BPTF: variants seen among roughly 807,000 people sequenced by gnomAD.
BPTF encodes nucleosome-remodeling factor subunit BPTF.
BPTF carries 18 observed loss-of-function variants against 292.5 expected under a neutral mutation model. The observed-to-expected ratio is 0.06, with a 90% CI of 0.04 to 0.09. BPTF has a LOEUF of 0.09. Ranked by LOEUF, BPTF falls within the 10% of genes least tolerant of loss-of-function variation. BPTF has a pLI of 1.00. For synonymous variants in BPTF, 1,225 were observed against 1,251.9 expected (o/e 0.98, Z 0.45); for missense variants, 2,726 against 3,498.7 (o/e 0.78, Z 5.57).
Position 67,878,145 on chromosome 17 carries a change from G to GTA in BPTF, c.1864+3130_1864+3131dup, listed in dbSNP as rs148722280. ...TTAAAAAAATTACTGGAACCATACA[G>GTA]TATATACTCTTTGATGCCTGATAGC... On this transcript the variant is annotated intron_variant, in intron 4 of 27. Transcript: ENST00000306378. Among the ~76,000 whole-genome samples the GTA allele has an allele frequency of 2.0e-3, 302 of 152,248 alleles. 1 individual carries two copies. The highest frequency in any genetic ancestry group is 7.1e-3 in the African/African-American group (295 of 41,546).
rs1298574131 is a variant in BPTF, at chr17:67,983,180, AATGATT to A, written c.*895_*900del. On this transcript the variant is annotated 3_prime_UTR_variant, in exon 28 of 28. Transcript: ENST00000306378. The stretch of plus-strand genomic sequence containing the variant: ...ACAGAGGTGTCTTTGAATGTGCGCT[AATGATT>A]ATCTGTAAGCCTTTGTGGGGAGGGA... 5 of 152,590 alleles carry A rather than the reference AATGATT, an allele frequency of 3.3e-5. No individual in the cohort carries two copies. Among genetic ancestry groups the A allele is most frequent in the African/African-American group, 1.2e-4 (5 of 41,438 alleles). 9.5% of individuals were successfully genotyped at this position (152,590 alleles called of 1,614,324 possible).
At chr17:67,933,125 C>T (rs2064555981) in intron 18 of BPTF, among the ~76,000 whole-genome samples, 1 of 151,488 alleles carries the variant, frequency 6.6e-6, no homozygotes, top group South Asian at 2.1e-4. Flanking sequence ...TGGAGGTGGG[C>T]GCCTGTAATC....
intron 1 of BPTF, among the ~76,000 whole-genome samples, chr17:67,846,854 C>T (rs2058064928): frequency 6.6e-6 from 1 of 152,104 alleles, no homozygotes; most frequent in Non-Finnish European, 1.5e-5. Context: ...GCACACGTCA[C>T]CACACCCAGC....
chr17:67,853,251 A>C lies in BPTF; in HGVS notation c.614-689A>C, dbSNP rs144683858. Among the ~76,000 whole-genome samples, 412 of 152,352 alleles carry C rather than the reference A, an allele frequency of 2.7e-3. 2 individuals are homozygous for C. Among genetic ancestry groups the C allele is most frequent in the African/African-American group, 9.3e-3 (385 of 41,584 alleles). ...CATAATTGGAGAACAGGTATCTAAA[A>C]AGTTGTTTAACTGACTGTTAAGAAA... On this transcript the variant is annotated intron_variant, in intron 1 of 27. Coordinates refer to ENST00000306378, the MANE Select transcript of BPTF (RefSeq NM_182641.4).
At chr17:67,962,521 A>C (rs1388750409) in intron 24 of BPTF, among the ~76,000 whole-genome samples, 10 of 152,178 alleles carry the variant, frequency 6.6e-5, no homozygotes, top group Non-Finnish European at 1.2e-4. Flanking sequence ...GTAGACCCTC[A>C]CAGGCTTTGG....
intron 4 of BPTF, among the ~76,000 whole-genome samples, chr17:67,889,676 C>T (rs563209148): frequency 5.8e-4 from 88 of 152,130 alleles, no homozygotes; most frequent in East Asian, 5.6e-3. Context: ...GGCATGGTGG[C>T]GGGCGCCTGT....
At chr17:67,957,567 G>A (rs1265491488) in intron 23 of BPTF, among the ~76,000 whole-genome samples, 1 of 152,206 alleles carries the variant, frequency 6.6e-6, no homozygotes, top group East Asian at 1.9e-4. Context: ...TTTTAAGTCA[G>A]ATTTTAAGAA....
chr17:67,932,065 C>T, intron 18 of BPTF, 46 bp downstream of exon 18: 1 of 1,487,628 alleles, frequency 6.7e-7, no homozygotes, highest in Non-Finnish European at 9.4e-7. Context: ...AACAGCCAGT[C>T]TAGGAAATAC....
Position 67,944,446 on chromosome 17 carries a change from G to A in BPTF, c.6700+74G>A, listed in dbSNP as rs1598823411. 6 of 1,507,624 alleles carry A rather than the reference G, an allele frequency of 4.0e-6. No individual in the cohort carries two copies. The East Asian group carries it at 1.1e-4, about 28-fold the overall frequency. The allele number at this position is 1,507,624 out of a possible 1,614,324, so 93.4% of individuals were successfully genotyped here. ...GCTGGGCTAACAGAGGCCAACAGGAGAACCAGTATTTACCTTTGGAAGGAT... is the reference window on the plus strand; with the variant it reads ...GCTGGGCTAACAGAGGCCAACAGGAAAACCAGTATTTACCTTTGGAAGGAT... On this transcript the variant is annotated intron_variant, in intron 20 of 27. Transcript: ENST00000306378.
chr17:67,858,648 A>G (rs1204785297), intron 2 of BPTF, among the ~76,000 whole-genome samples: 5 of 151,736 alleles, frequency 3.3e-5, no homozygotes, highest in Non-Finnish European at 7.4e-5. Context: ...CGGTGCTTGT[A>G]CTCTGTATAG....
intron 23 of BPTF, among the ~76,000 whole-genome samples, chr17:67,958,435 A>G (rs1254063955): frequency 2.0e-5 from 3 of 152,094 alleles, no homozygotes; most frequent in Non-Finnish European, 4.4e-5. Context: ...TTTAAAAAAT[A>G]TATGAAAAGG....
chr17:67,921,429 G>C (rs770466408), intron 13 of BPTF, among the ~76,000 whole-genome samples: 2 of 151,894 alleles, frequency 1.3e-5, no homozygotes, highest in African/African-American at 4.8e-5. Flanking sequence ...GGGAGGGTGA[G>C]GCGGGAGAAT....
intron 26 of BPTF, among the ~76,000 whole-genome samples, chr17:67,970,760 C>T (rs554208602): frequency 6.6e-6 from 1 of 152,314 alleles, no homozygotes; most frequent in South Asian, 2.1e-4. Context: ...TACTTTTTCA[C>T]ATCAGCTGTT....
chr17:67,869,308 G>A (rs544063618), intron 3 of BPTF, among the ~76,000 whole-genome samples: 3 of 152,226 alleles, frequency 2.0e-5, no homozygotes, highest in African/African-American at 7.2e-5. Context: ...TATTTTCTGT[G>A]TGTTAGATTA....
chr17:67,892,236 C>T (rs1201080840), intron 5 of BPTF, among the ~76,000 whole-genome samples: 3 of 152,190 alleles, frequency 2.0e-5, no homozygotes, highest in Non-Finnish European at 4.4e-5. Flanking sequence ...AAATTTCAGT[C>T]AAGGCATAAA....
intron 1 of BPTF, among the ~76,000 whole-genome samples, chr17:67,843,754 CTTTTT>C (rs56335701): frequency 1.6e-5 from 1 of 62,274 alleles, no homozygotes; most frequent in African/African-American, 8.4e-5. Flanking sequence ...GAGCAGTTGT[CTTTTT>C]TTTTTTTTTT....
chr17:67,848,275 G>T (rs2144740422), intron 1 of BPTF, among the ~76,000 whole-genome samples: 1 of 152,090 alleles, frequency 6.6e-6, no homozygotes, highest in South Asian at 2.1e-4. Flanking sequence ...CTGCATCTCT[G>T]CCCTCGGCAG....
chr17:67,853,325 G>C (rs906316078), intron 1 of BPTF, among the ~76,000 whole-genome samples: 1 of 152,100 alleles, frequency 6.6e-6, no homozygotes, highest in Admixed American at 6.6e-5. Flanking sequence ...TTTTCCCCCA[G>C]CATTGGAATT....
At chr17:67,861,340 CTTTTTT>C (rs568176532) in intron 2 of BPTF, among the ~76,000 whole-genome samples, 6 of 135,102 alleles carry the variant, frequency 4.4e-5, no homozygotes, top group African/African-American at 1.7e-4. Context: ...AAGATTTTTT[CTTTTTT>C]TTTTTTTTTT....
Sources: gnomAD v4.1 joint callset for allele counts (sites outside exome capture counted in the v4.1 genomes callset) on GRCh38, gnomAD v4.1.1 for gene constraint, MANE v1.5 for transcripts, NCBI Gene and HGNC (gene_info 2026-07-23, HGNC 2026-07-21) for gene names.